TEX2: variants seen among roughly 807,000 people sequenced by gnomAD.
TEX2 encodes the protein testis expressed 2, also known as testis-expressed protein 2.
TEX2 carries 53 observed loss-of-function variants against 106.9 expected under a neutral mutation model. That is an observed-to-expected ratio of 0.50 (90% confidence interval 0.40 to 0.62). The LOEUF is 0.62. Among genes scored for constraint, TEX2 ranks in the 20% least tolerant of loss-of-function variants. The pLI is 0.00. For synonymous variants in TEX2, 523 were observed against 534.8 expected, an observed-to-expected ratio of 0.98 and a Z score of 0.30; for missense variants, 1,207 against 1,379.0, an observed-to-expected ratio of 0.88 and a Z score of 1.98.
intron 1 of TEX2, among the ~76,000 whole-genome samples, chr17:64,244,346 C>T (rs2033948467): frequency 6.6e-6 from 1 of 152,180 alleles, no homozygotes; most frequent in African/African-American, 2.4e-5. Flanking sequence ...CAAACAGCCC[C>T]TGACGTCTAG....
At chr17:64,212,342 C>T (rs1191363316) in intron 2 of TEX2, among the ~76,000 whole-genome samples, 2 of 152,206 alleles carry the variant, frequency 1.3e-5, no homozygotes, top group Non-Finnish European at 2.9e-5. Context: ...ACACTATTCT[C>T]TAGAGTCACA....
At chr17:64,252,752 G>C (rs782372672) in intron 1 of TEX2, among the ~76,000 whole-genome samples, 1 of 152,042 alleles carries the variant, frequency 6.6e-6, no homozygotes, top group Non-Finnish European at 1.5e-5. Context: ...CTAGGTACTG[G>C]GTATATAACG....
At chr17:64,171,058 G>A (rs2031370008) in intron 7 of TEX2, 42 bp downstream of exon 7, 1 of 1,496,182 alleles carries the variant, frequency 6.7e-7, no homozygotes, top group Non-Finnish European at 9.3e-7. Flanking sequence ...CTGCAGCAAA[G>A]GATATATTTT....
At chr17:64,192,818 A>G (rs2143896259) in intron 4 of TEX2, among the ~76,000 whole-genome samples, 1 of 152,342 alleles carries the variant, frequency 6.6e-6, no homozygotes, top group South Asian at 2.1e-4. Flanking sequence ...CCGGATCAAC[A>G]CAAATGCCTT....
chr17:64,181,981 C>A (rs1034832429), intron 5 of TEX2, among the ~76,000 whole-genome samples: 1 of 152,096 alleles, frequency 6.6e-6, no homozygotes, highest in African/African-American at 2.4e-5. Flanking sequence ...TGGCTATATA[C>A]CCCAACAAAT....
At chr17:64,246,098 C>CT (rs2143443129) in intron 1 of TEX2, among the ~76,000 whole-genome samples, 1 of 152,300 alleles carries the variant, frequency 6.6e-6, no homozygotes, top group South Asian at 2.1e-4. Flanking sequence ...CTCCAACACC[C>CT]TTTAAGAGCC....
In TEX2 at chr17:64,205,296, G is replaced by A. The variant is rs1239353201; in HGVS notation, c.1644+7278C>T. Among the ~76,000 whole-genome samples, 2 of 152,144 alleles carry A rather than the reference G, an allele frequency of 1.3e-5. No individual in the cohort carries two copies. Among genetic ancestry groups the A allele is most frequent in the Non-Finnish European group, 2.9e-5 (2 of 68,036 alleles). On this transcript the variant is annotated intron_variant, in intron 2 of 11. Coordinates refer to ENST00000584379, the MANE Select transcript of TEX2 (RefSeq NM_001288732.2). This position sits in a 1 kb window ranked among gnomAD's most constrained non-coding sequence, Gnocchi z 4.0. ...TGTGCCACTGCACTCTAGCCTGAGC[G>A]ACAGAGCGAGGCAAAACAAACAAAC...
At chr17:64,249,714 C>T (rs537084789) in intron 1 of TEX2, among the ~76,000 whole-genome samples, 1 of 152,174 alleles carries the variant, frequency 6.6e-6, no homozygotes, top group South Asian at 2.1e-4. Context: ...TGTTTTTTCT[C>T]TTCCCTAAGA....
chr17:64,160,520 C>T (rs1157160782), intron 8 of TEX2, among the ~76,000 whole-genome samples: 1 of 152,150 alleles, frequency 6.6e-6, no homozygotes, highest in Non-Finnish European at 1.5e-5. Context: ...GTCTGCCCTG[C>T]TTGTCTGAGT....
chr17:64,213,506 G>A lies in TEX2; in HGVS notation c.712C>T (p.Pro238Ser), dbSNP rs782242513. ...QESDTVSYKP[P>S]DSKLNLHLFK... Reference sequence around the variant, plus strand: ...AGGTGTAAGTTCAGTTTGGAATCAGGTGGCTTATAGGACACTGTATCCGAC... The same window carrying A: ...AGGTGTAAGTTCAGTTTGGAATCAGATGGCTTATAGGACACTGTATCCGAC... Residue 238 changes from proline to serine, a missense_variant, in exon 2 of 12, where the codon CCT becomes TCT. By Grantham distance (74) the Pro-to-Ser change is moderately conservative (BLOSUM62 -1). Coordinates refer to ENST00000584379, the MANE Select transcript of TEX2 (RefSeq NM_001288732.2). This position sits in a 1 kb window ranked among gnomAD's most constrained non-coding sequence, Gnocchi z 4.4. 7 of 1,614,136 alleles carry A rather than the reference G, an allele frequency of 4.3e-6. No homozygotes were observed. The highest frequency in any genetic ancestry group is 2.2e-5 in the East Asian group (1 of 44,890).
At chr17:64,241,817 T>C (rs782108109) in intron 1 of TEX2, among the ~76,000 whole-genome samples, 12 of 152,110 alleles carry the variant, frequency 7.9e-5, no homozygotes, top group Non-Finnish European at 1.8e-4. Flanking sequence ...ATGTTTTAAA[T>C]AGAGACAGGG....
At chr17:64,189,170 G>T (rs2032204151) in intron 4 of TEX2, among the ~76,000 whole-genome samples, 1 of 152,146 alleles carries the variant, frequency 6.6e-6, no homozygotes, top group South Asian at 2.1e-4. Context: ...ATGCTAAAAA[G>T]AAGACATAAT....
At chr17:64,161,094 G>A (rs552500471) in intron 7 of TEX2, among the ~76,000 whole-genome samples, 161 bp from the exon 8 acceptor site, 24 of 152,170 alleles carry the variant, frequency 1.6e-4, no homozygotes, top group South Asian at 6.2e-4. Flanking sequence ...TTGTGCCATC[G>A]ACACACACGA....
chr17:64,243,209 G>A (rs922144414), intron 1 of TEX2, among the ~76,000 whole-genome samples: 1 of 151,538 alleles, frequency 6.6e-6, no homozygotes, highest in African/African-American at 2.4e-5. Flanking sequence ...TTACAGGCGT[G>A]AGCCACCACA....
At chr17:64,177,071 G>C (rs540337011) in intron 6 of TEX2, among the ~76,000 whole-genome samples, 8 of 152,230 alleles carry the variant, frequency 5.3e-5, no homozygotes, top group East Asian at 1.9e-4. Context: ...CTAAATTCTG[G>C]ATTATCACCT....
chr17:64,154,285 T>C (rs2030503942), intron 9 of TEX2, among the ~76,000 whole-genome samples: 1 of 152,258 alleles, frequency 6.6e-6, no homozygotes, highest in Non-Finnish European at 1.5e-5. Flanking sequence ...ATTCACTTTA[T>C]GTAATTAAAA....
At chr17:64,250,084 G>T (rs575912243) in intron 1 of TEX2, among the ~76,000 whole-genome samples, 1 of 152,262 alleles carries the variant, frequency 6.6e-6, no homozygotes, top group South Asian at 2.1e-4. Flanking sequence ...CAATTCCTGA[G>T]GGCAGCTCCT....
intron 2 of TEX2, among the ~76,000 whole-genome samples, chr17:64,202,426 T>C (rs2032699714): frequency 6.6e-6 from 1 of 152,200 alleles, no homozygotes; most frequent in South Asian, 2.1e-4. Context: ...TGAAACCAGG[T>C]TGCTCTTGCA....
intron 8 of TEX2, among the ~76,000 whole-genome samples, chr17:64,159,822 T>C (rs1162964103): frequency 6.6e-6 from 1 of 152,194 alleles, no homozygotes; most frequent in Non-Finnish European, 1.5e-5. Context: ...ATTATTAAAA[T>C]AGAAACATTT....
Sources: allele counts gnomAD v4.1 joint callset (sites outside exome capture counted in the v4.1 genomes callset), GRCh38; gene constraint gnomAD v4.1.1; non-coding constraint Gnocchi (gnomAD v3.1); transcripts MANE v1.5; gene names NCBI Gene and HGNC (gene_info 2026-07-23, HGNC 2026-07-21).